The following PDE4D variants were observed in gnomAD, a reference collection of about 807,000 sequenced individuals.
PDE4D encodes phosphodiesterase 4D.
Under a neutral mutation model 87.4 loss-of-function variants are expected in PDE4D, and 24 were observed. The observed-to-expected ratio is 0.27, with a 90% confidence interval of 0.20 to 0.39. The LOEUF is 0.39. PDE4D is among the 10% of genes least tolerant of loss of function. PDE4D has a pLI of 1.00. For missense variants in PDE4D, 714 were observed against 1,041.0 expected (o/e 0.69, Z 4.32); for synonymous variants, 384 against 383.2 (o/e 1.00, Z -0.02).
intron 1 of PDE4D, among the ~76,000 whole-genome samples, chr5:59,584,425 A>G (rs981585153): frequency 1.3e-5 from 2 of 152,212 alleles, no homozygotes; most frequent in African/African-American, 4.8e-5. Flanking sequence ...CACAACAACA[A>G]CAACAGATTG....
At chr5:60,050,184 G>T (rs2152878056) in intron 2 of PDE4D, among the ~76,000 whole-genome samples, 1 of 152,262 alleles carries the variant, frequency 6.6e-6, no homozygotes, top group South Asian at 2.1e-4. Flanking sequence ...CTGACCCCTT[G>T]TGCTTCCCGA....
intron 5 of PDE4D, among the ~76,000 whole-genome samples, chr5:59,159,982 A>G (rs1279994199): frequency 2.0e-5 from 3 of 152,206 alleles, no homozygotes; most frequent in Non-Finnish European, 2.9e-5. Flanking sequence ...TCCTAAGTGC[A>G]TTTGTGAATG....
chr5:60,468,136 T>TTTTTTG (rs1747515599), intron 1 of PDE4D, among the ~76,000 whole-genome samples: 1 of 125,264 alleles, frequency 8.0e-6, no homozygotes, highest in African/African-American at 3.6e-5. Context: ...CTTTCTTTTT[T>TTTTTTG]CTTTTTTTTT....
chr5:60,292,416 C>T (rs541603254), intron 1 of PDE4D, among the ~76,000 whole-genome samples: 107 of 152,192 alleles, frequency 7.0e-4, no homozygotes, highest in African/African-American at 2.6e-3. Flanking sequence ...ATTTGGTATG[C>T]GAAATACATA....
At chr5:59,723,701 C>T (rs1471926968) in intron 1 of PDE4D, among the ~76,000 whole-genome samples, 1 of 152,126 alleles carries the variant, frequency 6.6e-6, no homozygotes, top group East Asian at 1.9e-4. Flanking sequence ...TGGGTTTTCA[C>T]ATTAAAAAAT....
intron 1 of PDE4D, among the ~76,000 whole-genome samples, chr5:59,411,705 A>G (rs375057890): frequency 3.9e-4 from 60 of 152,248 alleles, no homozygotes; most frequent in African/African-American, 1.4e-3. Context: ...TTTTAATTTA[A>G]TCACCTCTTT....
At chr5:60,221,101 A>G (rs546398321) in intron 1 of PDE4D, among the ~76,000 whole-genome samples, 2 of 152,260 alleles carry the variant, frequency 1.3e-5, no homozygotes, top group South Asian at 2.1e-4. Context: ...AACAATTGAA[A>G]GTGATGCTTA....
intron 1 of PDE4D, among the ~76,000 whole-genome samples, chr5:59,722,271 G>A (rs188512904): frequency 6.6e-6 from 1 of 152,296 alleles, no homozygotes; most frequent in East Asian, 1.9e-4. Flanking sequence ...AGATGCTTTT[G>A]ATCATATTAA....
chr5:60,462,192 T>C (rs74376573), intron 1 of PDE4D, among the ~76,000 whole-genome samples: 4,167 of 152,244 alleles, frequency 0.027, 89 homozygotes, highest in Middle Eastern at 0.088. Context: ...CAAGTACTCA[T>C]GACCCTTGAA....
At chr5:59,411,455 C>A (rs1227543305) in intron 1 of PDE4D, among the ~76,000 whole-genome samples, 1 of 152,092 alleles carries the variant, frequency 6.6e-6, no homozygotes, top group Non-Finnish European at 1.5e-5. Flanking sequence ...GATTGGGTGG[C>A]TTACACGACA....
intron 1 of PDE4D, among the ~76,000 whole-genome samples, chr5:59,722,632 T>C (rs1412055176): frequency 6.6e-6 from 1 of 152,174 alleles, no homozygotes; most frequent in Non-Finnish European, 1.5e-5. Context: ...AGTAGAATGA[T>C]CTGTCTCAAG....
chr5:59,874,430 T>C (rs1353806349), intron 1 of PDE4D, among the ~76,000 whole-genome samples: 1 of 152,158 alleles, frequency 6.6e-6, no homozygotes, highest in African/African-American at 2.4e-5. Context: ...CTTCAACTTC[T>C]ATAAAAAAGT....
intron 2 of PDE4D, among the ~76,000 whole-genome samples, chr5:60,120,198 T>C (rs1432008925): frequency 6.6e-6 from 1 of 152,212 alleles, no homozygotes; most frequent in Non-Finnish European, 1.5e-5. Flanking sequence ...AATATGTCCA[T>C]TGCATTAGAA....
At chr5:60,321,647 T>C (rs1756282589) in intron 1 of PDE4D, among the ~76,000 whole-genome samples, 1 of 152,182 alleles carries the variant, frequency 6.6e-6, no homozygotes, top group Admixed American at 6.5e-5. Context: ...AAACTATGCA[T>C]CTGACAAAGG....
intron 1 of PDE4D, among the ~76,000 whole-genome samples, chr5:59,576,934 T>G (rs1402018407): frequency 6.6e-6 from 1 of 152,184 alleles, no homozygotes; most frequent in African/African-American, 2.4e-5. Context: ...TTCACTGATC[T>G]CAATACCACT....
intron 1 of PDE4D, among the ~76,000 whole-genome samples, chr5:60,261,557 T>C (rs966881174): frequency 6.6e-6 from 1 of 152,132 alleles, no homozygotes; most frequent in Non-Finnish European, 1.5e-5. Context: ...AATAAGAATA[T>C]GTATGTTTTT....
intron 3 of PDE4D, among the ~76,000 whole-genome samples, chr5:59,189,248 T>TG (rs1561663439): frequency 7.7e-5 from 8 of 103,640 alleles, no homozygotes; most frequent in East Asian, 4.4e-4. Flanking sequence ...TTTTTTGTTT[T>TG]TTTTGTTTTT....
At chr5:59,612,310 ATT>A (rs34443614) in intron 1 of PDE4D, among the ~76,000 whole-genome samples, 10 of 150,422 alleles carry the variant, frequency 6.6e-5, no homozygotes, top group African/African-American at 1.2e-4. Context: ...GGATGTTCTA[ATT>A]TTTTTTTTTA....
upstream of PDE4D, among the ~76,000 whole-genome samples, chr5:60,491,951 C>A (rs1235298226): frequency 1.3e-5 from 2 of 152,010 alleles, no homozygotes; most frequent in Non-Finnish European, 2.9e-5. Context: ...TAGAACTGAG[C>A]CTATTATATG....
Sources: allele counts gnomAD v4.1 joint callset (sites outside exome capture counted in the v4.1 genomes callset), GRCh38; gene constraint gnomAD v4.1.1; transcripts MANE v1.5; gene names NCBI Gene and HGNC (gene_info 2026-07-23, HGNC 2026-07-21).